Variants in FHIT observed in about 807,000 individuals in gnomAD.
FHIT encodes the protein bis(5'-adenosyl)-triphosphatase.
A neutral mutation model predicts 17.9 loss-of-function variants in FHIT; 19 were observed. That is an observed-to-expected ratio of 1.06 (90% CI 0.74 to 1.56). The LOEUF (loss-of-function observed/expected upper bound fraction) is 1.56. Ranked by LOEUF, FHIT falls within the 40% of genes most tolerant of loss-of-function variation. The pLI is 0.00. For missense variants in FHIT, 248 were observed against 189.2 expected (o/e 1.31, Z -1.82); for synonymous variants, 81 against 69.7 (o/e 1.16, Z -0.81).
At chr3:60,550,815 ACCAG>A (rs1161349929) in intron 4 of FHIT, among the ~76,000 whole-genome samples, 6 of 152,148 alleles carry the variant, frequency 3.9e-5, no homozygotes, top group Non-Finnish European at 8.8e-5. Flanking sequence ...AATATGACAG[ACCAG>A]CCCTCTGCTC....
chr3:59,819,079 T>G (rs768261846), intron 8 of FHIT, among the ~76,000 whole-genome samples: 2 of 152,232 alleles, frequency 1.3e-5, no homozygotes. Flanking sequence ...CAGTTCCATA[T>G]GCTGTGTTTC....
At chr3:61,187,401 C>T (rs1049540697) in intron 2 of FHIT, among the ~76,000 whole-genome samples, 11 of 152,184 alleles carry the variant, frequency 7.2e-5, no homozygotes, top group East Asian at 1.9e-4. Flanking sequence ...TATATATGCA[C>T]CCAATACAGG....
intron 7 of FHIT, among the ~76,000 whole-genome samples, chr3:59,928,476 A>T (rs1705782333): frequency 6.6e-6 from 1 of 152,246 alleles, no homozygotes; most frequent in Non-Finnish European, 1.5e-5. Context: ...GGCAGAAAGG[A>T]TTTGCAAATC....
At chr3:60,333,981 GC>G (rs11331230) in intron 5 of FHIT, among the ~76,000 whole-genome samples, 152,278 of 152,278 alleles carry the variant, frequency 1, 76,139 homozygotes, top group Non-Finnish European at 1. Flanking sequence ...TTTCTTCTCT[GC>G]CTACATAAAC....
At chr3:60,944,562 T>G (rs1482439088) in intron 3 of FHIT, among the ~76,000 whole-genome samples, 2 of 152,340 alleles carry the variant, frequency 1.3e-5, no homozygotes, top group Admixed American at 1.3e-4. Context: ...ATTAAGTTAT[T>G]TAATTAATGG....
At chr3:60,366,976 T>C (rs1700131241) in intron 5 of FHIT, among the ~76,000 whole-genome samples, 1 of 152,202 alleles carries the variant, frequency 6.6e-6, no homozygotes, top group South Asian at 2.1e-4. Context: ...TCTGATAGAT[T>C]CAACTTGAGA....
At chr3:60,510,163 G>A (rs2034894205) in intron 5 of FHIT, among the ~76,000 whole-genome samples, 1 of 152,138 alleles carries the variant, frequency 6.6e-6, no homozygotes, top group Non-Finnish European at 1.5e-5. Context: ...GAAACCAATG[G>A]TAGCAAAAGG....
chr3:60,330,580 T>A (rs1709919764), intron 5 of FHIT, among the ~76,000 whole-genome samples: 1 of 152,236 alleles, frequency 6.6e-6, no homozygotes, highest in South Asian at 2.1e-4. Flanking sequence ...GCATCCAGAT[T>A]GTTCTGGAAC....
At chr3:60,408,530 A>G (rs1701955666) in intron 5 of FHIT, among the ~76,000 whole-genome samples, 1 of 152,210 alleles carries the variant, frequency 6.6e-6, no homozygotes, top group Non-Finnish European at 1.5e-5. Flanking sequence ...ATAGAGGATG[A>G]GGAAAAAGAA....
intron 7 of FHIT, among the ~76,000 whole-genome samples, chr3:59,937,753 T>C (rs1706313493): frequency 6.6e-6 from 1 of 152,210 alleles, no homozygotes; most frequent in African/African-American, 2.4e-5. Flanking sequence ...ATTGCTATTT[T>C]CACATGTGAC....
chr3:60,025,847 A>C (rs1420567188), intron 5 of FHIT, among the ~76,000 whole-genome samples: 1 of 152,184 alleles, frequency 6.6e-6, no homozygotes, highest in Non-Finnish European at 1.5e-5. Flanking sequence ...TCCAGAATAG[A>C]GTAAGTTAAT....
intron 5 of FHIT, among the ~76,000 whole-genome samples, chr3:60,140,890 G>T (rs570856197): frequency 9.2e-5 from 14 of 152,042 alleles, no homozygotes; most frequent in Non-Finnish European, 1.8e-4. Flanking sequence ...GAGAGACACA[G>T]ACTCTTAACA....
chr3:60,271,756 T>C (rs79098231), intron 5 of FHIT, among the ~76,000 whole-genome samples: 3,601 of 152,320 alleles, frequency 0.024, 140 homozygotes, highest in African/African-American at 0.082. Context: ...GTTATGAAGA[T>C]AGTTATTCAT....
rs1018686670 is a variant in FHIT, at chr3:59,865,350, G to A, written c.348+56996C>T. On this transcript the variant is annotated intron_variant, in intron 8 of 9. Transcript: ENST00000492590. The stretch of plus-strand genomic sequence containing the variant: ...TTCTCCCCATGAAGAATCATTCATC[G>A]TGCAAGCACGTTAGCTATTCTATTC... Among the ~76,000 whole-genome samples the A allele has an allele frequency of 3.9e-5, 6 of 152,242 alleles. No individual in the cohort carries two copies. In the South Asian group the frequency reaches 8.3e-4, roughly 21 times the overall value.
In FHIT at chr3:60,317,635, G is replaced by GTATA. The variant is rs372678434; in HGVS notation, c.103+219221_103+219224dup. Among the ~76,000 whole-genome samples, 1,019 of 134,448 alleles carry GTATA rather than the reference G, an allele frequency of 7.6e-3. 6 individuals carry two copies. The highest frequency in any genetic ancestry group is 0.028 in the East Asian group (141 of 5,032). The allele number at this position is 134,448 out of a possible 152,430, so 88.2% of individuals were successfully genotyped here. ...ATTATATATGTGTGTGTGTGTGTGT[G>GTATA]TATATATATATATATATAATATTTT... On this transcript the variant is annotated intron_variant, in intron 5 of 9. Transcript: ENST00000492590.
intron 5 of FHIT, among the ~76,000 whole-genome samples, chr3:60,361,562 C>T (rs761488494): frequency 6.6e-6 from 1 of 152,130 alleles, no homozygotes; most frequent in Admixed American, 6.5e-5. Flanking sequence ...ATAGAAGATG[C>T]AATGGCAACA....
chr3:61,137,983 T>C (rs899013616), intron 2 of FHIT, among the ~76,000 whole-genome samples: 3 of 152,220 alleles, frequency 2.0e-5, no homozygotes, highest in African/African-American at 7.2e-5. Context: ...TATGAGCTCA[T>C]ACTACCTGTG....
intron 5 of FHIT, among the ~76,000 whole-genome samples, chr3:60,396,035 C>T (rs1052628795): frequency 1.3e-5 from 2 of 152,068 alleles, no homozygotes; most frequent in African/African-American, 4.8e-5. Flanking sequence ...CACACCAAGC[C>T]TTCTACCTAC....
At chr3:59,899,102 A>T (rs1232638790) in intron 8 of FHIT, among the ~76,000 whole-genome samples, 2 of 152,202 alleles carry the variant, frequency 1.3e-5, no homozygotes, top group Non-Finnish European at 2.9e-5. Flanking sequence ...GCCTGGATTT[A>T]GACCCAGAGC....
Sources: gnomAD v4.1 joint callset for allele counts (sites outside exome capture counted in the v4.1 genomes callset) on GRCh38, gnomAD v4.1.1 for gene constraint, MANE v1.5 for transcripts, NCBI Gene and HGNC (gene_info 2026-07-23, HGNC 2026-07-21) for gene names.